HSDL2: variants seen among roughly 807,000 people sequenced by gnomAD.
The protein encoded by HSDL2 is hydroxysteroid dehydrogenase like 2, also known as hydroxysteroid dehydrogenase-like protein 2.
HSDL2 carries 27 observed loss-of-function variants against 46.3 expected under a neutral mutation model. That is an observed-to-expected ratio of 0.58 (90% CI 0.43 to 0.80). The LOEUF is 0.80. Ranked by LOEUF, HSDL2 falls within the 30% of genes least tolerant of loss-of-function variation. The pLI, the probability that HSDL2 is intolerant of heterozygous loss-of-function variation, is 0.00. For synonymous variants in HSDL2, 153 were observed against 163.6 expected, an observed-to-expected ratio of 0.94 and a Z score of 0.50; for missense variants, 451 against 502.7, an observed-to-expected ratio of 0.90 and a Z score of 0.98.
At chr9:112,388,365 G>A (rs566515886) in intron 1 of HSDL2, among the ~76,000 whole-genome samples, 21 of 151,132 alleles carry the variant, frequency 1.4e-4, no homozygotes, top group African/African-American at 4.6e-4. Flanking sequence ...GGAGGCTGAC[G>A]CAGGAGAATC....
At chr9:112,462,231 A>G (rs1426164940) in intron 10 of HSDL2, among the ~76,000 whole-genome samples, 2 of 152,222 alleles carry the variant, frequency 1.3e-5, no homozygotes, top group Non-Finnish European at 2.9e-5. Context: ...TGGGAGGCCA[A>G]GGCAGGTGGA....
Position 112,415,565 on chromosome 9 carries a change from A to G in HSDL2, c.396-1276A>G, listed in dbSNP as rs138244340. 6.2e-3 allele frequency among the ~76,000 whole-genome samples: 946 copies of G among 152,302 alleles called. 10 individuals are homozygous for G. Among genetic ancestry groups the G allele is most frequent in the African/African-American group, 0.021 (869 of 41,570 alleles). On this transcript the variant is annotated intron_variant, in intron 4 of 10. Coordinates refer to ENST00000398805, the MANE Select transcript of HSDL2 (RefSeq NM_032303.5). ...ATGTTATTTACCACTGTGCTGACCG[A>G]CAAGTATATTAACTATCTCTGAAAA...
intron 1 of HSDL2, among the ~76,000 whole-genome samples, chr9:112,393,393 T>C (rs924533618): frequency 1.3e-5 from 2 of 152,252 alleles, no homozygotes; most frequent in Non-Finnish European, 2.9e-5. Context: ...CCAGTCACAC[T>C]GCACTTGCAT....
At chr9:112,381,575 C>T (rs1310973005) in intron 1 of HSDL2, among the ~76,000 whole-genome samples, 1 of 152,120 alleles carries the variant, frequency 6.6e-6, no homozygotes, top group Admixed American at 6.6e-5. Flanking sequence ...AGGATGGTCT[C>T]AATCTCATGA....
At chr9:112,449,700 C>T (rs565080660) in intron 8 of HSDL2, among the ~76,000 whole-genome samples, 1 of 152,050 alleles carries the variant, frequency 6.6e-6, no homozygotes, top group South Asian at 2.1e-4. Flanking sequence ...TCTGTCTCTA[C>T]TAAAAATACA....
intron 1 of HSDL2, among the ~76,000 whole-genome samples, chr9:112,401,167 G>A (rs904909945): frequency 6.6e-6 from 1 of 152,094 alleles, no homozygotes; most frequent in African/African-American, 2.4e-5. Flanking sequence ...TAGCAAGTGA[G>A]TAAGTAAAAA....
At chr9:112,427,752 A>G (rs1212787693) in intron 6 of HSDL2, among the ~76,000 whole-genome samples, 1 of 152,070 alleles carries the variant, frequency 6.6e-6, no homozygotes, top group Non-Finnish European at 1.5e-5. Context: ...ACATCTTTCT[A>G]TATCCTGTAA....
chr9:112,463,387 C>T (rs1286112850), intron 10 of HSDL2, among the ~76,000 whole-genome samples: 6 of 152,032 alleles, frequency 3.9e-5, no homozygotes, highest in East Asian at 3.9e-4. Context: ...GGATTACAGG[C>T]GAGAGCCACT....
At position 112,385,941 on chromosome 9, in the gene HSDL2, A is replaced by G. The variant is rs529598327; in HGVS notation, c.17+5761A>G. Reference sequence around the variant, plus strand: ...ATGCCCGGCCAATTTTTTTAATTTAATTTTTTTTTTTTAAATAGTAACATG... The same window carrying G: ...ATGCCCGGCCAATTTTTTTAATTTAGTTTTTTTTTTTTAAATAGTAACATG... On this transcript the variant is annotated intron_variant, in intron 1 of 10. Coordinates refer to ENST00000398805, the MANE Select transcript of HSDL2 (RefSeq NM_032303.5). Among the ~76,000 whole-genome samples, 320 of 144,258 alleles carry G rather than the reference A, an allele frequency of 2.2e-3. 1 individual carries two copies. Among genetic ancestry groups the G allele is most frequent in the Middle Eastern group, 3.7e-3 (1 of 268 alleles). The allele number at this position is 144,258 out of a possible 152,430, so 94.6% of individuals were successfully genotyped here. A position where few individuals can be genotyped will look rare whatever the true frequency, so the allele number is the denominator to read the frequency against.
intron 1 of HSDL2, among the ~76,000 whole-genome samples, chr9:112,392,273 A>G (rs533889478): frequency 1.4e-4 from 22 of 152,356 alleles, no homozygotes; most frequent in African/African-American, 5.1e-4. Flanking sequence ...AAAGGGAAAA[A>G]GCAGAACCAC....
chr9:112,380,240 G>C, intron 1 of HSDL2, 60 bp downstream of exon 1: 1 of 1,495,470 alleles, frequency 6.7e-7, no homozygotes, highest in Non-Finnish European at 9.0e-7. Context: ...CGTCTCGGTG[G>C]GGCCGCCGCG....
chr9:112,384,864 A>G (rs1831183434), intron 1 of HSDL2, among the ~76,000 whole-genome samples: 1 of 151,782 alleles, frequency 6.6e-6, no homozygotes, highest in Admixed American at 6.6e-5. Context: ...GTGGCCTTGC[A>G]TAGCTAGTGG....
intron 1 of HSDL2, among the ~76,000 whole-genome samples, chr9:112,383,747 G>T (rs944859415): frequency 6.6e-6 from 1 of 152,190 alleles, no homozygotes; most frequent in Non-Finnish European, 1.5e-5. Flanking sequence ...TGTCACCCAG[G>T]CTGGGGTGCA....
intron 1 of HSDL2, among the ~76,000 whole-genome samples, chr9:112,403,285 T>C (rs374578768): frequency 6.3e-4 from 96 of 152,348 alleles, no homozygotes; most frequent in African/African-American, 2.2e-3. Flanking sequence ...ACCTCTGATC[T>C]TTCTGTCTCT....
intron 1 of HSDL2, among the ~76,000 whole-genome samples, chr9:112,395,671 T>C (rs1017711340): frequency 1.3e-5 from 2 of 152,242 alleles, no homozygotes; most frequent in African/African-American, 4.8e-5. Context: ...AGGCCAATTC[T>C]TAGGTATTAA....
intron 1 of HSDL2, among the ~76,000 whole-genome samples, chr9:112,395,804 T>G (rs913487450): frequency 3.9e-5 from 6 of 152,202 alleles, no homozygotes; most frequent in African/African-American, 9.6e-5. Flanking sequence ...ACAGGAGAAT[T>G]CCAGGGGGAA....
chr9:112,386,046 T>TAC (rs1281446418), intron 1 of HSDL2, among the ~76,000 whole-genome samples: 5 of 152,174 alleles, frequency 3.3e-5, no homozygotes, highest in Non-Finnish European at 7.3e-5. Flanking sequence ...GTGTTGTGAT[T>TAC]ACAGGCATGA....
At position 112,380,135 on chromosome 9, in the gene HSDL2, G is replaced by A; in HGVS notation, c.-29G>A. The A allele has an allele frequency of 6.4e-7, 1 of 1,559,444 alleles. No individual in the cohort carries two copies. Among genetic ancestry groups the A allele is most frequent in the Non-Finnish European group, 8.7e-7 (1 of 1,150,314 alleles). On this transcript the variant is annotated 5_prime_UTR_variant, in exon 1 of 11. Coordinates refer to ENST00000398805, the MANE Select transcript of HSDL2 (RefSeq NM_032303.5). ...CTCTCTGCTCGCCGCCGCCGCTGTC[G>A]CCGCCACCTCCTCTGATCTACGAAA...
At chr9:112,436,610 T>G (rs2132667996) in intron 6 of HSDL2, among the ~76,000 whole-genome samples, 1 of 152,208 alleles carries the variant, frequency 6.6e-6, no homozygotes, top group Non-Finnish European at 1.5e-5. Context: ...GAAATAAGCT[T>G]TAACTAAAAT....
Sources: gnomAD v4.1 joint callset for allele counts (sites outside exome capture counted in the v4.1 genomes callset) on GRCh38, gnomAD v4.1.1 for gene constraint, MANE v1.5 for transcripts, NCBI Gene and HGNC (gene_info 2026-07-23, HGNC 2026-07-21) for gene names.